CTNNBL1: variants seen among roughly 807,000 people sequenced by gnomAD.
CTNNBL1 encodes the protein beta-catenin-like protein 1.
In CTNNBL1, 31 loss-of-function variants were observed where a neutral mutation model predicts 72.7. That is an observed-to-expected ratio of 0.43 (90% CI 0.32 to 0.58). The LOEUF (loss-of-function observed/expected upper bound fraction) is 0.58. CTNNBL1 is among the 20% of genes least tolerant of loss of function. The probability of loss-of-function intolerance (pLI) is 0.08; values close to 1 mark genes in which losing one functional copy is unlikely to be tolerated. For missense variants in CTNNBL1, 534 were observed against 725.1 expected (o/e 0.74, Z 3.03); for synonymous variants, 240 against 267.3 (o/e 0.90, Z 1.00).
At chr20:37,717,854 C>G (rs2073000858) in intron 1 of CTNNBL1, among the ~76,000 whole-genome samples, 1 of 152,164 alleles carries the variant, frequency 6.6e-6, no homozygotes, top group Admixed American at 6.5e-5. Context: ...CAAAGCACAT[C>G]TTGCACCGCC....
At chr20:37,810,321 C>G (rs2071999207) in intron 11 of CTNNBL1, among the ~76,000 whole-genome samples, 1 of 152,200 alleles carries the variant, frequency 6.6e-6, no homozygotes, top group African/African-American at 2.4e-5. Context: ...ACACAAGAGA[C>G]AGCCTTGCTT....
intron 13 of CTNNBL1, 32 bp downstream of exon 13, chr20:37,842,451 T>C: frequency 6.6e-7 from 1 of 1,516,670 alleles, no homozygotes; most frequent in Non-Finnish European, 9.2e-7. Context: ...TTGCCAGCTA[T>C]TGACTTGCCC....
chr20:37,732,822 C>T lies in CTNNBL1; in HGVS notation c.31-57C>T, dbSNP rs553962224. 2.6e-6 allele frequency: 4 copies of T among 1,527,456 alleles called. No homozygotes were observed. In the African/African-American group the frequency reaches 4.1e-5, roughly 16 times the overall value. 94.6% of individuals were successfully genotyped at this position (1,527,456 alleles called of 1,614,324 possible). A position where few individuals can be genotyped will look rare whatever the true frequency, so the allele number is the denominator to read the frequency against. On this transcript the variant is annotated intron_variant, in intron 1 of 15. Transcript: ENST00000361383. The stretch of plus-strand genomic sequence containing the variant: ...TGCTGGGATTATAGGCATGAGCCAC[C>T]ACGCCTGGCTTCTATGTTGTATCCA...
intron 13 of CTNNBL1, among the ~76,000 whole-genome samples, chr20:37,847,697 G>C (rs2072358234): frequency 6.6e-6 from 1 of 152,172 alleles, no homozygotes; most frequent in Admixed American, 6.5e-5. Context: ...TCTAAAAGAG[G>C]GAGGAGAGCC....
At chr20:37,745,354 T>A (rs974333970) in intron 3 of CTNNBL1, among the ~76,000 whole-genome samples, 3 of 152,158 alleles carry the variant, frequency 2.0e-5, no homozygotes, top group African/African-American at 7.2e-5. Context: ...TCAGTAGGCA[T>A]CTGTGGATAT....
chr20:37,737,505 T>C (rs1349223969), intron 3 of CTNNBL1, 21 bp downstream of exon 3: 2 of 1,494,264 alleles, frequency 1.3e-6, no homozygotes, highest in Non-Finnish European at 1.9e-6. Flanking sequence ...GTTCCACTGA[T>C]ACCATGTCTC....
At chr20:37,709,946 G>A (rs765180959) in intron 1 of CTNNBL1, among the ~76,000 whole-genome samples, 11 of 152,160 alleles carry the variant, frequency 7.2e-5, no homozygotes, top group Non-Finnish European at 1.0e-4. Flanking sequence ...CTTCTTCTTT[G>A]TACACATGGG....
At chr20:37,839,964 G>A in intron 11 of CTNNBL1, 138 bp from the exon 12 acceptor site, 1 of 606,632 alleles carries the variant, frequency 1.6e-6, no homozygotes, top group African/African-American at 1.8e-5. Context: ...CACAATTTAG[G>A]TTCTTGTCTT....
At chr20:37,862,138 A>G (rs1231747851) in intron 15 of CTNNBL1, among the ~76,000 whole-genome samples, 1 of 152,166 alleles carries the variant, frequency 6.6e-6, no homozygotes, top group African/African-American at 2.4e-5. Flanking sequence ...AGCCCCACTC[A>G]TGCCTTCCGG....
At chr20:37,722,015 A>AT (rs1368753857) in intron 1 of CTNNBL1, among the ~76,000 whole-genome samples, 1 of 152,066 alleles carries the variant, frequency 6.6e-6, no homozygotes, top group East Asian at 1.9e-4. Context: ...GTATTACCAG[A>AT]TTTTTTATTT....
chr20:37,782,047 G>T (rs1164193070), intron 10 of CTNNBL1, among the ~76,000 whole-genome samples: 1 of 152,036 alleles, frequency 6.6e-6, no homozygotes, highest in Non-Finnish European at 1.5e-5. Flanking sequence ...CAAATTTACA[G>T]GTATTTTGGC....
chr20:37,727,443 G>A, intron 1 of CTNNBL1: 1 of 666,434 alleles, frequency 1.5e-6, no homozygotes, highest in Non-Finnish European at 1.9e-6. Flanking sequence ...TACCAGCTGT[G>A]TGGTTGGATG....
chr20:37,764,812 C>G (rs2073450876), intron 5 of CTNNBL1, among the ~76,000 whole-genome samples: 1 of 152,160 alleles, frequency 6.6e-6, no homozygotes, highest in South Asian at 2.1e-4. Flanking sequence ...CTTGAATGAA[C>G]CGTTGACCTG....
At chr20:37,751,760 T>G (rs986931842) in intron 4 of CTNNBL1, 2 of 152,262 alleles carry the variant, frequency 1.3e-5, no homozygotes, top group Non-Finnish European at 2.9e-5. Flanking sequence ...TAAGGGGCTT[T>G]CTTCTAATTG....
chr20:37,869,910 CCACCCCAT>C (rs913466802), intron 15 of CTNNBL1, among the ~76,000 whole-genome samples: 1 of 151,946 alleles, frequency 6.6e-6, no homozygotes. Flanking sequence ...AAGGGTTGGA[CCACCCCAT>C]CCTCCCCCTT....
At chr20:37,822,832 T>C (rs1021628155) in intron 11 of CTNNBL1, among the ~76,000 whole-genome samples, 3 of 152,176 alleles carry the variant, frequency 2.0e-5, no homozygotes, top group Non-Finnish European at 1.5e-5. Flanking sequence ...AAAGAGTATA[T>C]GAAGCACCCA....
At chr20:37,760,800 T>A (rs1293311940) in intron 5 of CTNNBL1, among the ~76,000 whole-genome samples, 1 of 152,220 alleles carries the variant, frequency 6.6e-6, no homozygotes, top group African/African-American at 2.4e-5. Flanking sequence ...ATATTAAGCA[T>A]TTAGCAAATG....
rs957468607 is a variant in CTNNBL1, at chr20:37,836,399, C to T, written c.1214-3703C>T. The stretch of plus-strand genomic sequence containing the variant: ...CACCTCACTGGCCTCCCCTCTCCCA[C>T]ATGGACATGGCAGTCCATTCATACT... On this transcript the variant is annotated intron_variant, in intron 11 of 15. Transcript: ENST00000361383. Among the ~76,000 whole-genome samples the T allele has an allele frequency of 3.3e-4, 50 of 152,200 alleles. 2 individuals carry two copies. Among genetic ancestry groups the T allele is most frequent in the African/African-American group, 2.4e-5 (1 of 41,448 alleles).
intron 1 of CTNNBL1, among the ~76,000 whole-genome samples, chr20:37,694,465 A>G (rs1004980552): frequency 6.6e-6 from 1 of 151,822 alleles, no homozygotes; most frequent in Non-Finnish European, 1.5e-5. Flanking sequence ...ATGTCCCCCC[A>G]GTCATTGAGG....
Sources: allele counts gnomAD v4.1 joint callset (sites outside exome capture counted in the v4.1 genomes callset), GRCh38; gene constraint gnomAD v4.1.1; transcripts MANE v1.5; gene names NCBI Gene and HGNC (gene_info 2026-07-23, HGNC 2026-07-21).